MAP4K5: variants seen among roughly 807,000 people sequenced by gnomAD.
MAP4K5 encodes the protein MAPK/ERK kinase kinase kinase 5.
A neutral mutation model predicts 135.6 loss-of-function variants in MAP4K5; 82 were observed. That is an observed-to-expected ratio of 0.60 (90% CI 0.51 to 0.73). The LOEUF is 0.73. MAP4K5 is among the 30% of genes least tolerant of loss of function. The probability of loss-of-function intolerance (pLI) is 0.00; values close to 1 mark genes in which losing one functional copy is unlikely to be tolerated. For synonymous variants in MAP4K5, 347 were observed against 335.0 expected (o/e 1.04, Z -0.39); for missense variants, 907 against 1,010.9 (o/e 0.90, Z 1.39).
At chr14:50,527,825 T>C (rs2038299295) in intron 2 of MAP4K5, among the ~76,000 whole-genome samples, 2 of 85,882 alleles carry the variant, frequency 2.3e-5, no homozygotes, top group Admixed American at 1.5e-4. Flanking sequence ...AAAATAATAA[T>C]AATAATAATA....
At chr14:50,542,055 G>A (rs910865018) in intron 2 of MAP4K5, among the ~76,000 whole-genome samples, 2 of 125,048 alleles carry the variant, frequency 1.6e-5, no homozygotes, top group African/African-American at 3.0e-5. Flanking sequence ...AAAAGAATAT[G>A]CTGTTATCTG....
At chr14:50,432,554 CTCAAAAAAAAAAA>C (rs1326166290) in intron 28 of MAP4K5, among the ~76,000 whole-genome samples, 6 of 25,846 alleles carry the variant, frequency 2.3e-4, no homozygotes, top group Non-Finnish European at 5.1e-4. Flanking sequence ...CAACAAAACT[CTCAAAAAAAAAAA>C]AAAAAAAAAC....
intron 8 of MAP4K5, among the ~76,000 whole-genome samples, chr14:50,475,524 T>C (rs2037076541): frequency 6.6e-6 from 1 of 152,220 alleles, no homozygotes; most frequent in African/African-American, 2.4e-5. Context: ...CTATTTTTTT[T>C]ACAGTCATTT....
chr14:50,439,865 C>T, intron 23 of MAP4K5, 148 bp downstream of exon 23: 1 of 861,548 alleles, frequency 1.2e-6, no homozygotes, highest in South Asian at 2.1e-5. Flanking sequence ...TCTTCCCATT[C>T]TAGGTGGGTA....
intron 2 of MAP4K5, among the ~76,000 whole-genome samples, chr14:50,522,024 T>C (rs545306918): frequency 3.3e-5 from 5 of 152,330 alleles, no homozygotes; most frequent in African/African-American, 9.6e-5. Flanking sequence ...TTTTTCTTTC[T>C]GTGTTCTTGG....
rs2036287984 is a variant in MAP4K5, at chr14:50,444,023, A to G, written c.1353T>C (p.Gly451=). 1.9e-6 allele frequency: 3 copies of G among 1,600,080 alleles called. No individual in the cohort carries two copies. The African/African-American group carries it at 4.0e-5, about 21-fold the overall frequency. The part of the protein sequence containing the change: ...AETSSIGNGD[G]ISKLMSENTE... ...TATTTTCACTCATCAGTTTTGAAAT[A>G]CCATCACCATTTCCTAAAGAGAATC... The change falls in exon 19 of 33, where the codon GGT becomes GGC. Residue 451 remains glycine, a synonymous_variant. Coordinates refer to ENST00000682126, the MANE Select transcript of MAP4K5 (RefSeq NM_006575.6).
Position 50,438,012 on chromosome 14 carries a change from T to C in MAP4K5, c.1709-4A>G, listed in dbSNP as rs758272591. 9 of 1,506,558 alleles carry C rather than the reference T, an allele frequency of 6.0e-6. No individual in the cohort carries two copies. Among genetic ancestry groups the C allele is most frequent in the Non-Finnish European group, 8.3e-6 (9 of 1,083,916 alleles). The allele number at this position is 1,506,558 out of a possible 1,614,324, so 93.3% of individuals were successfully genotyped here. On this transcript the variant is annotated splice_polypyrimidine_tract_variant and splice_region_variant and intron_variant, in intron 24 of 32. Transcript: ENST00000682126. ...GAGTAGAGCTGAAAGGTTTTTCCTA[T>C]AAAAGAAAAACATGTTACCTTTTTG... is the stretch of plus-strand genomic sequence containing the variant.
At chr14:50,444,133 G>A in intron 18 of MAP4K5, 97 bp from the exon 19 acceptor site, 1 of 814,056 alleles carries the variant, frequency 1.2e-6, no homozygotes, top group Non-Finnish European at 2.0e-6. Context: ...CTTTCACTTG[G>A]GTGATCCTTT....
intron 3 of MAP4K5, among the ~76,000 whole-genome samples, chr14:50,500,001 T>C (rs184756896): frequency 6.6e-6 from 1 of 152,036 alleles, no homozygotes; most frequent in East Asian, 1.9e-4. Context: ...GTCTATAGAG[T>C]TTTTTGAGGG....
rs1216468804 is a variant in MAP4K5, at chr14:50,419,779, G to A, written c.*240C>T. 2 of 399,510 alleles carry A rather than the reference G, an allele frequency of 5.0e-6. No homozygotes were observed. The highest frequency in any genetic ancestry group is 9.0e-6 in the Non-Finnish European group (2 of 221,734). 24.7% of individuals were successfully genotyped at this position (399,510 alleles called of 1,614,324 possible). ...AAGACTGTGTTTCCTGGAACTAGAG[G>A]ACTATTTGTCTCATAGCTTTTATTA... On this transcript the variant is annotated 3_prime_UTR_variant, in exon 33 of 33. Coordinates refer to ENST00000682126, the MANE Select transcript of MAP4K5 (RefSeq NM_006575.6).
chr14:50,422,486 T>C (rs2035755750), intron 32 of MAP4K5, among the ~76,000 whole-genome samples: 1 of 152,088 alleles, frequency 6.6e-6, no homozygotes, highest in South Asian at 2.1e-4. Context: ...AATTTTGCTT[T>C]AGTAACAACT....
intron 26 of MAP4K5, 93 bp from the exon 27 acceptor site, chr14:50,435,158 G>C (rs1444648630): frequency 3.6e-6 from 2 of 555,716 alleles, no homozygotes; most frequent in Non-Finnish European, 6.2e-6. Flanking sequence ...AGAGTGGGCA[G>C]AAAATAAAAA....
intron 6 of MAP4K5, among the ~76,000 whole-genome samples, chr14:50,481,754 A>G (rs1414452519): frequency 6.6e-6 from 1 of 152,212 alleles, no homozygotes; most frequent in Admixed American, 6.5e-5. Flanking sequence ...TTAGCATACT[A>G]AAAGTTCTCA....
intron 2 of MAP4K5, among the ~76,000 whole-genome samples, chr14:50,514,736 A>T (rs975157763): frequency 6.6e-6 from 1 of 152,162 alleles, no homozygotes; most frequent in Non-Finnish European, 1.5e-5. Context: ...AGGTGTAAAG[A>T]CAAGAGAAAA....
intron 9 of MAP4K5, among the ~76,000 whole-genome samples, chr14:50,470,311 G>A (rs955032015): frequency 3.3e-4 from 50 of 152,178 alleles, no homozygotes; most frequent in Admixed American, 9.2e-4. Flanking sequence ...ACAGAAAAAG[G>A]GTATCTTAGG....
chr14:50,498,841 C>T (rs1323532924), intron 3 of MAP4K5, among the ~76,000 whole-genome samples: 1 of 152,030 alleles, frequency 6.6e-6, no homozygotes, highest in Non-Finnish European at 1.5e-5. Context: ...AATTTTAAAC[C>T]AGTTCATCTG....
Position 50,440,449 on chromosome 14 carries a change from AGTT to A in MAP4K5, c.1565-11_1565-9del. The A allele has an allele frequency of 1.4e-6, 2 of 1,441,550 alleles. No homozygotes were observed. Among genetic ancestry groups the A allele is most frequent in the Non-Finnish European group, 1.9e-6 (2 of 1,045,922 alleles). 89.3% of individuals were successfully genotyped at this position (1,441,550 alleles called of 1,614,324 possible). The stretch of plus-strand genomic sequence containing the variant: ...CAAAAATAATGTACTGATCTAAAAT[AGTT>A]GAGATAAATCACCAGAATTTACCAT... On this transcript the variant is annotated splice_polypyrimidine_tract_variant and intron_variant, in intron 21 of 32. Transcript: ENST00000682126.
upstream of MAP4K5, among the ~76,000 whole-genome samples, chr14:50,535,849 G>A (rs2038484427): frequency 1.3e-5 from 2 of 152,158 alleles, no homozygotes; most frequent in South Asian, 2.1e-4. Context: ...GAATTCCCAC[G>A]TGTTGTGGGA....
At position 50,526,098 on chromosome 14, in the gene MAP4K5, T is replaced by C. The variant is rs181547212; in HGVS notation, c.108+5844A>G. On this transcript the variant is annotated intron_variant, in intron 2 of 32. Coordinates refer to ENST00000682126, the MANE Select transcript of MAP4K5 (RefSeq NM_006575.6). Reference sequence around the variant, plus strand: ...CATACTATACCCAAAGCCTGGAATATCTTTTCCTATCTTCTCTACCTAGAA... The same window carrying C: ...CATACTATACCCAAAGCCTGGAATACCTTTTCCTATCTTCTCTACCTAGAA... Among the ~76,000 whole-genome samples, 417 of 152,266 alleles carry C rather than the reference T, an allele frequency of 2.7e-3. 3 individuals are homozygous for C. The highest frequency in any genetic ancestry group is 9.3e-3 in the African/African-American group (385 of 41,542).
Sources: gnomAD v4.1 joint callset for allele counts (sites outside exome capture counted in the v4.1 genomes callset) on GRCh38, gnomAD v4.1.1 for gene constraint, MANE v1.5 for transcripts, NCBI Gene and HGNC (gene_info 2026-07-23, HGNC 2026-07-21) for gene names.